The following INPP5F variants were observed in gnomAD, a reference collection of about 807,000 sequenced individuals.
INPP5F encodes phosphatidylinositide 4-phosphatase SAC2.
In INPP5F, 97 loss-of-function variants were observed where a neutral mutation model predicts 137.2. The observed-to-expected ratio is 0.71, with a 90% CI of 0.60 to 0.84. The LOEUF is 0.84. Among genes scored for constraint, INPP5F ranks in the 40% least tolerant of loss-of-function variants. The pLI, the probability that INPP5F is intolerant of heterozygous loss-of-function variation, is 0.00. For missense variants in INPP5F, 1,271 were observed against 1,371.9 expected (o/e 0.93, Z 1.16); for synonymous variants, 504 against 476.9 (o/e 1.06, Z -0.74).
intron 19 of INPP5F, among the ~76,000 whole-genome samples, chr10:119,826,190 C>T (rs962082870): frequency 2.0e-5 from 3 of 152,158 alleles, no homozygotes; most frequent in African/African-American, 7.2e-5. Context: ...GTGCTAGACC[C>T]GCACTGCTCA....
At chr10:119,770,767 C>T (rs2134159538) in intron 2 of INPP5F, among the ~76,000 whole-genome samples, 1 of 152,212 alleles carries the variant, frequency 6.6e-6, no homozygotes, top group Admixed American at 6.5e-5. Flanking sequence ...TTCCAGACAC[C>T]TACATCTTTT....
chr10:119,756,864 A>AC (rs1484885791), intron 2 of INPP5F, among the ~76,000 whole-genome samples: 2 of 60,206 alleles, frequency 3.3e-5, no homozygotes, highest in East Asian at 1.1e-3. Flanking sequence ...AAGCTCTGCC[A>AC]CAAAAAAAAA....
intron 2 of INPP5F, among the ~76,000 whole-genome samples, chr10:119,764,017 G>T (rs961645494): frequency 3.3e-5 from 5 of 152,118 alleles, no homozygotes; most frequent in African/African-American, 1.2e-4. Context: ...GCTCTTCACG[G>T]TTCATGTTTT....
chr10:119,783,565 A>G (rs75087213), intron 3 of INPP5F, among the ~76,000 whole-genome samples: 3 of 152,328 alleles, frequency 2.0e-5, no homozygotes, highest in African/African-American at 7.2e-5. Context: ...CCAATCTGTA[A>G]CATTTTTGAG....
chr10:119,796,626 T>C (rs1406337029), intron 6 of INPP5F, 89 bp from the exon 7 acceptor site: 1 of 1,014,430 alleles, frequency 9.9e-7, no homozygotes, highest in Non-Finnish European at 1.6e-6. Flanking sequence ...TCTAATAAAC[T>C]GAGAAATATG....
chr10:119,761,237 C>G (rs1054253812), intron 2 of INPP5F, among the ~76,000 whole-genome samples: 12 of 152,318 alleles, frequency 7.9e-5, no homozygotes, highest in Admixed American at 2.0e-4. Flanking sequence ...AAAAATGTCT[C>G]TTGCTCTAGA....
intron 19 of INPP5F, among the ~76,000 whole-genome samples, chr10:119,824,592 C>T (rs867478411): frequency 2.6e-5 from 4 of 152,156 alleles, no homozygotes; most frequent in African/African-American, 7.2e-5. Flanking sequence ...TAGCATCTGC[C>T]AGGATTCTGC....
At chr10:119,756,288 A>G (rs568406316) in intron 2 of INPP5F, among the ~76,000 whole-genome samples, 1 of 152,284 alleles carries the variant, frequency 6.6e-6, no homozygotes, top group African/African-American at 2.4e-5. Flanking sequence ...ATTTTGAACA[A>G]ATTTTAAACA....
Position 119,798,572 on chromosome 10 carries a change from G to T in INPP5F, c.1078G>T (p.Ala360Ser), listed in dbSNP as rs1398190109. ...SEKETVAYFC[A>S]HFEEQLNIYK... ...AAAGGAAACTGTTGCCTATTTCTGT[G>T]CCCATTTCGAAGAACAACTGAACAT... Residue 360 changes from alanine (A) to serine (S), a missense_variant, in exon 9 of 20, where the codon GCC becomes TCC. Transcript: ENST00000650623. The T allele has an allele frequency of 1.2e-6, 2 of 1,612,354 alleles. No homozygotes were observed. Among genetic ancestry groups the T allele is most frequent in the Admixed American group, 1.7e-5 (1 of 59,856 alleles).
At chr10:119,802,444 C>CA (rs991977533) in intron 9 of INPP5F, among the ~76,000 whole-genome samples, 3 of 151,940 alleles carry the variant, frequency 2.0e-5, no homozygotes, top group African/African-American at 7.3e-5. Flanking sequence ...TCATCCGCAG[C>CA]AAAAAAAGCC....
chr10:119,810,239 C>CT, intron 14 of INPP5F, 22 bp downstream of exon 14: 1 of 1,319,638 alleles, frequency 7.6e-7, no homozygotes. Context: ...AAAAGCTTTT[C>CT]TTTCCTCAAA....
At chr10:119,765,740 A>ACT (rs1410060600) in intron 2 of INPP5F, among the ~76,000 whole-genome samples, 3 of 88,046 alleles carry the variant, frequency 3.4e-5, no homozygotes, top group Non-Finnish European at 6.7e-5. Context: ...TCAAGGGTAA[A>ACT]CTGTGTGTGT....
chr10:119,783,474 T>C (rs2134185044), intron 3 of INPP5F, among the ~76,000 whole-genome samples: 1 of 152,360 alleles, frequency 6.6e-6, no homozygotes. Flanking sequence ...TCTTCGGAAA[T>C]TAAATGTCAC....
rs549233060 is a variant in INPP5F at position 119,739,499 on chromosome 10, T to A, written c.98-11577T>A. Among the ~76,000 whole-genome samples the A allele has an allele frequency of 2.6e-4, 39 of 152,364 alleles. No individual in the cohort carries two copies. The South Asian group carries it at 7.9e-3, about 31-fold the overall frequency. On this transcript the variant is annotated intron_variant, in intron 1 of 19. Coordinates refer to ENST00000650623, the MANE Select transcript of INPP5F (RefSeq NM_014937.4). ...TTTTTATTATTTGATGCTTATTTTT[T>A]AAATTTTGTTCAATAACTATTGAAT... is the stretch of plus-strand genomic sequence containing the variant.
At chr10:119,818,374 T>C (rs988777680) in intron 15 of INPP5F, among the ~76,000 whole-genome samples, 1 of 152,202 alleles carries the variant, frequency 6.6e-6, no homozygotes, top group Non-Finnish European at 1.5e-5. Flanking sequence ...GGTCCAGCAG[T>C]GGTAATGGAG....
chr10:119,807,044 G>A (rs867161689), intron 12 of INPP5F, among the ~76,000 whole-genome samples: 2 of 152,106 alleles, frequency 1.3e-5, no homozygotes, highest in Non-Finnish European at 1.5e-5. Context: ...GCTGAGGTGG[G>A]TGGATCACCT....
chr10:119,757,299 C>G (rs941155358), intron 2 of INPP5F, among the ~76,000 whole-genome samples: 9 of 151,544 alleles, frequency 5.9e-5, no homozygotes, highest in African/African-American at 2.2e-4. Context: ...AACTCCTGAC[C>G]TCAGGTGATC....
chr10:119,785,286 G>GTTTTTTTTTTTTTTTTT lies in INPP5F; in HGVS notation c.315+3531_315+3532insTTTTTTTTTTTTTTTTT, dbSNP rs71019717. Reference sequence around the variant, plus strand: ...TAACCTTTTGTGGAACTGCCAGACTGTTTTTTTTTTTTTTTTGGAGACGGA... The same window carrying GTTTTTTTTTTTTTTTTT: ...TAACCTTTTGTGGAACTGCCAGACTGTTTTTTTTTTTTTTTTTTTTTTTTTTTTTTTTTGGAGACGGA... On this transcript the variant is annotated intron_variant, in intron 3 of 19. Coordinates refer to ENST00000650623, the MANE Select transcript of INPP5F (RefSeq NM_014937.4). Among the ~76,000 whole-genome samples, 270 of 106,188 alleles carry GTTTTTTTTTTTTTTTTT rather than the reference G, an allele frequency of 2.5e-3. 13 individuals are homozygous for GTTTTTTTTTTTTTTTTT. Among genetic ancestry groups the GTTTTTTTTTTTTTTTTT allele is most frequent in the Non-Finnish European group, 3.8e-3 (202 of 53,662 alleles). 69.7% of individuals were successfully genotyped at this position (106,188 alleles called of 152,430 possible).
chr10:119,772,326 G>A (rs1395760944), intron 2 of INPP5F, among the ~76,000 whole-genome samples: 3 of 152,082 alleles, frequency 2.0e-5, no homozygotes, highest in Non-Finnish European at 4.4e-5. Flanking sequence ...AGGACAAGTG[G>A]GGATTTACAG....
Sources: allele counts gnomAD v4.1 joint callset (sites outside exome capture counted in the v4.1 genomes callset), GRCh38; gene constraint gnomAD v4.1.1; transcripts MANE v1.5; gene names NCBI Gene and HGNC (gene_info 2026-07-23, HGNC 2026-07-21).